Variants in ANO3 observed in about 807,000 individuals in gnomAD.
ANO3 encodes anoctamin-3.
ANO3 carries 99 observed loss-of-function variants against 144.8 expected under a neutral mutation model. That is an observed-to-expected ratio of 0.68 (90% confidence interval 0.58 to 0.81). The LOEUF (loss-of-function observed/expected upper bound fraction) is 0.81. Among genes scored for constraint, ANO3 ranks in the 30% least tolerant of loss-of-function variants. The pLI is 0.00. For synonymous variants in ANO3, 414 were observed against 392.6 expected (o/e 1.05, Z -0.64); for missense variants, 905 against 1,202.2 (o/e 0.75, Z 3.66).
upstream of ANO3, among the ~76,000 whole-genome samples, chr11:26,306,972 A>T (rs559653133): frequency 1.6e-4 from 25 of 152,204 alleles, no homozygotes; most frequent in African/African-American, 5.8e-4. Context: ...TAAAATTCCC[A>T]TATAATCTAT....
intron 14 of ANO3, among the ~76,000 whole-genome samples, chr11:26,585,910 G>C (rs1851262158): frequency 6.6e-6 from 1 of 152,182 alleles, no homozygotes; most frequent in South Asian, 2.1e-4. Flanking sequence ...GAGAATGGGT[G>C]TTATAGATGT....
At chr11:26,640,686 G>T (rs1336525066) in intron 21 of ANO3, among the ~76,000 whole-genome samples, 6 of 152,010 alleles carry the variant, frequency 3.9e-5, no homozygotes, top group African/African-American at 1.5e-4. Flanking sequence ...TTGCGCTAGG[G>T]GTCAGTCTGG....
Position 26,656,319 on chromosome 11 carries a change from T to G in ANO3, c.2658-57T>G, listed in dbSNP as rs890553854. 2.7e-6 allele frequency: 4 copies of G among 1,489,660 alleles called. No homozygotes were observed. The African/African-American group carries it at 5.5e-5, about 21-fold the overall frequency. The allele number at this position is 1,489,660 out of a possible 1,614,324, so 92.3% of individuals were successfully genotyped here. On this transcript the variant is annotated intron_variant, in intron 25 of 26. Coordinates refer to ENST00000256737, the MANE Select transcript of ANO3 (RefSeq NM_031418.4). ...TGGCATTTTGGCAAATCAAGAAAAT[T>G]TGGGCCTCCACTCTTTGATCTCTAT...
intron 10 of ANO3, among the ~76,000 whole-genome samples, chr11:26,541,254 G>T (rs544098159): frequency 6.6e-6 from 1 of 151,930 alleles, no homozygotes; most frequent in Non-Finnish European, 1.5e-5. Flanking sequence ...ATGAGAATAC[G>T]TGGACACAGG....
chr11:26,283,617 T>C (rs988245165), intron 1 of ANO3, among the ~76,000 whole-genome samples: 3 of 152,060 alleles, frequency 2.0e-5, no homozygotes, highest in Non-Finnish European at 4.4e-5. Context: ...GATTTCTCAC[T>C]TAGTAAGTAC....
chr11:26,615,394 T>TTATATATATATATA (rs201511864), intron 17 of ANO3, among the ~76,000 whole-genome samples: 5 of 128,896 alleles, frequency 3.9e-5, no homozygotes, highest in African/African-American at 8.9e-5. Context: ...TTCTGTCAGT[T>TTATATATATATATA]TATATATATA....
chr11:26,565,697 G>A, intron 14 of ANO3: 2 of 1,613,080 alleles, frequency 1.2e-6, no homozygotes, highest in Non-Finnish European at 1.7e-6. Flanking sequence ...CTGAGTTTAA[G>A]TTTGCTTCAC....
chr11:26,383,996 C>A, intron 1 of ANO3, among the ~76,000 whole-genome samples: 1 of 136,958 alleles, frequency 7.3e-6, no homozygotes, highest in East Asian at 2.5e-4. Context: ...TTCTCGGGTG[C>A]AAGTGATTCT....
At chr11:26,577,764 C>T (rs1420559511) in intron 14 of ANO3, among the ~76,000 whole-genome samples, 1 of 152,078 alleles carries the variant, frequency 6.6e-6, no homozygotes, top group Non-Finnish European at 1.5e-5. Context: ...GTATTTAAAC[C>T]ATGGGCTTAT....
Position 26,332,286 on chromosome 11 carries a change from A to C in ANO3, c.11A>C (p.His4Pro). Residue 4 changes from histidine to proline, a missense_variant, in exon 1 of 27, where the codon CAT becomes CCT. By Grantham distance (77) the His-to-Pro change is moderately conservative. This residue lies in a region of ANO3 where 174 missense variants were observed against 171.9 expected (regional missense o/e 1.01). Coordinates refer to ENST00000256737, the MANE Select transcript of ANO3 (RefSeq NM_031418.4). ...ACGCGCAGAGTGAAAATGGTCCACCATTCAGGCTCCATTCAGTCCTTTAAA... is the reference window on the plus strand; with the variant it reads ...ACGCGCAGAGTGAAAATGGTCCACCCTTCAGGCTCCATTCAGTCCTTTAAA... MVH[H>P]SGSIQSFKQQ... The C allele has an allele frequency of 6.2e-7, 1 of 1,613,948 alleles. No individual in the cohort carries two copies. The highest frequency in any genetic ancestry group is 8.5e-7 in the Non-Finnish European group (1 of 1,180,006).
intron 1 of ANO3, among the ~76,000 whole-genome samples, chr11:26,432,876 C>T (rs559798413): frequency 6.6e-6 from 1 of 152,114 alleles, no homozygotes; most frequent in South Asian, 2.1e-4. Context: ...ATTGCCTTGG[C>T]TATTTGGGCT....
chr11:26,592,231 C>T (rs1001332989), intron 14 of ANO3, among the ~76,000 whole-genome samples: 14 of 152,114 alleles, frequency 9.2e-5, no homozygotes, highest in Non-Finnish European at 1.6e-4. Flanking sequence ...CTATAGGCCA[C>T]AGAGCAGGCC....
chr11:26,230,313 A>G (rs1352602644), intron 1 of ANO3, among the ~76,000 whole-genome samples: 1 of 152,176 alleles, frequency 6.6e-6, no homozygotes, highest in Non-Finnish European at 1.5e-5. Context: ...AATGGAGAGC[A>G]CTTGTCAACA....
chr11:26,649,184 A>G (rs989736190), intron 24 of ANO3, among the ~76,000 whole-genome samples: 2 of 152,212 alleles, frequency 1.3e-5, no homozygotes, highest in Non-Finnish European at 2.9e-5. Flanking sequence ...ACAAAACGAG[A>G]CTATAATTCC....
At chr11:26,482,813 G>A (rs1293609434) in intron 4 of ANO3, among the ~76,000 whole-genome samples, 1 of 152,034 alleles carries the variant, frequency 6.6e-6, no homozygotes, top group Non-Finnish European at 1.5e-5. Flanking sequence ...ATGTGTACGA[G>A]TTATTTAGCT....
At chr11:26,593,014 A>G (rs1025435559) in intron 14 of ANO3, among the ~76,000 whole-genome samples, 7 of 151,914 alleles carry the variant, frequency 4.6e-5, no homozygotes, top group Non-Finnish European at 7.4e-5. Flanking sequence ...TTTGTCTTCA[A>G]TATCTGCTTG....
intron 1 of ANO3, among the ~76,000 whole-genome samples, chr11:26,250,733 G>A (rs1230713127): frequency 1.3e-5 from 2 of 152,174 alleles, no homozygotes; most frequent in Non-Finnish European, 2.9e-5. Flanking sequence ...TTAAATAAAT[G>A]TGATAGTATA....
intron 1 of ANO3, among the ~76,000 whole-genome samples, chr11:26,338,777 G>T (rs1174462465): frequency 2.6e-5 from 4 of 152,030 alleles, no homozygotes; most frequent in Admixed American, 2.6e-4. Flanking sequence ...CTTCACTCCT[G>T]AAGTCAGTGA....
At chr11:26,261,712 A>C (rs1431247258) in intron 1 of ANO3, among the ~76,000 whole-genome samples, 2 of 152,220 alleles carry the variant, frequency 1.3e-5, no homozygotes, top group Non-Finnish European at 2.9e-5. Flanking sequence ...ACTTTGTCTG[A>C]ATCTCAATAG....
Sources: allele counts gnomAD v4.1 joint callset (sites outside exome capture counted in the v4.1 genomes callset), GRCh38; gene constraint gnomAD v4.1.1; regional missense constraint gnomAD v4.1.1; transcripts MANE v1.5; gene names NCBI Gene and HGNC (gene_info 2026-07-23, HGNC 2026-07-21).